DOCK4: variants seen among roughly 807,000 people sequenced by gnomAD.
DOCK4 encodes the protein dedicator of cytokinesis 4, also known as dedicator of cytokinesis protein 4.
DOCK4 carries 97 observed loss-of-function variants against 268.1 expected under a neutral mutation model. That is an observed-to-expected ratio of 0.36 (90% CI 0.31 to 0.43). The LOEUF (loss-of-function observed/expected upper bound fraction) is 0.43. Ranked by LOEUF, DOCK4 falls within the 20% of genes least tolerant of loss-of-function variation. The pLI is 1.00. For missense variants in DOCK4, 2,145 were observed against 2,455.7 expected, an observed-to-expected ratio of 0.87 and a Z score of 2.67; for synonymous variants, 954 against 887.2, an observed-to-expected ratio of 1.08 and a Z score of -1.34.
At chr7:112,122,630 A>T (rs570291692) in intron 1 of DOCK4, among the ~76,000 whole-genome samples, 1 of 151,850 alleles carries the variant, frequency 6.6e-6, no homozygotes, top group South Asian at 2.1e-4. Flanking sequence ...CTGAGTTTTA[A>T]CCCTCTAGTG....
chr7:111,997,653 A>G (rs1338330446), intron 4 of DOCK4, among the ~76,000 whole-genome samples: 1 of 152,208 alleles, frequency 6.6e-6, no homozygotes, highest in Non-Finnish European at 1.5e-5. Context: ...ATTTATCACT[A>G]TTTGAGAAAA....
intron 7 of DOCK4, among the ~76,000 whole-genome samples, chr7:111,981,661 G>A (rs910209095): frequency 2.0e-5 from 3 of 152,212 alleles, no homozygotes; most frequent in Non-Finnish European, 4.4e-5. Context: ...AGTGCAACCA[G>A]CACTGAGGAG....
intron 1 of DOCK4, among the ~76,000 whole-genome samples, chr7:112,053,239 C>T (rs775409433): frequency 1.3e-5 from 2 of 152,150 alleles, no homozygotes; most frequent in Non-Finnish European, 2.9e-5. Context: ...TTATATCCTA[C>T]TCCTCAGATC....
chr7:111,746,263 C>T, intron 44 of DOCK4, 71 bp downstream of exon 44: 1 of 1,257,566 alleles, frequency 8.0e-7, no homozygotes, highest in Non-Finnish European at 1.1e-6. Context: ...GGAAACCATG[C>T]AGAGGGGGCT....
intron 1 of DOCK4, among the ~76,000 whole-genome samples, chr7:112,179,806 T>C (rs1391829259): frequency 1.3e-5 from 2 of 152,140 alleles, no homozygotes; most frequent in African/African-American, 4.8e-5. Context: ...AAATCAGAAA[T>C]ACACAGTGAA....
At chr7:111,809,206 G>T in intron 29 of DOCK4, 95 bp downstream of exon 29, 1 of 1,030,584 alleles carries the variant, frequency 9.7e-7, no homozygotes, top group Non-Finnish European at 1.5e-6. Flanking sequence ...TTCACTGTGT[G>T]ATTTCCAGTT....
chr7:111,995,133 G>A (rs912755210), intron 4 of DOCK4, among the ~76,000 whole-genome samples: 3 of 151,604 alleles, frequency 2.0e-5, no homozygotes. Context: ...CCAGGTTCAT[G>A]CCATTCTCCT....
chr7:111,960,456 A>G (rs1456138811), intron 8 of DOCK4, among the ~76,000 whole-genome samples: 1 of 149,860 alleles, frequency 6.7e-6, no homozygotes, highest in East Asian at 2.0e-4. Context: ...TGAAATACGT[A>G]TACATTGTGG....
intron 8 of DOCK4, among the ~76,000 whole-genome samples, chr7:111,974,576 A>AGGAAAAGGGATGGGGAGGAGGGTG (rs1346229146): frequency 3.2e-5 from 4 of 123,522 alleles, no homozygotes; most frequent in Non-Finnish European, 6.8e-5. Context: ...AGGAGGAGGA[A>AGGAAAAGGGATGGGGAGGAGGGTG]GGAAAAGGGA....
intron 1 of DOCK4, among the ~76,000 whole-genome samples, chr7:112,060,095 C>G (rs1271034023): frequency 6.6e-6 from 1 of 152,152 alleles, no homozygotes; most frequent in Non-Finnish European, 1.5e-5. Flanking sequence ...CTTAGGGCTG[C>G]CAGCTCCTAG....
intron 36 of DOCK4, among the ~76,000 whole-genome samples, chr7:111,771,145 T>A (rs534651543): frequency 3.9e-5 from 6 of 152,370 alleles, no homozygotes; most frequent in Non-Finnish European, 8.8e-5. Flanking sequence ...ACAATAAATT[T>A]AGGCCTCCTA....
intron 1 of DOCK4, among the ~76,000 whole-genome samples, chr7:112,077,455 C>T (rs557341727): frequency 4.6e-5 from 7 of 152,066 alleles, no homozygotes; most frequent in East Asian, 3.9e-4. Flanking sequence ...TAGAAACTAA[C>T]GTCTTTTAAA....
intron 12 of DOCK4, among the ~76,000 whole-genome samples, chr7:111,929,226 G>T (rs1751222130): frequency 6.6e-6 from 1 of 151,820 alleles, no homozygotes; most frequent in South Asian, 2.1e-4. Context: ...TAATCCTTAA[G>T]GATCATATCA....
intron 25 of DOCK4, among the ~76,000 whole-genome samples, chr7:111,838,570 A>C (rs1803421881): frequency 6.6e-6 from 1 of 152,214 alleles, no homozygotes; most frequent in Admixed American, 6.5e-5. Flanking sequence ...CCCCCAAAAA[A>C]CTATGTAGTA....
At chr7:111,985,500 G>A (rs1024525694) in intron 6 of DOCK4, among the ~76,000 whole-genome samples, 2 of 151,954 alleles carry the variant, frequency 1.3e-5, no homozygotes, top group African/African-American at 4.8e-5. Context: ...ATTCTTCCAT[G>A]CCCTCCCCCA....
chr7:111,977,886 TA>T (rs1798326917), intron 7 of DOCK4, among the ~76,000 whole-genome samples: 2 of 152,256 alleles, frequency 1.3e-5, no homozygotes, highest in African/African-American at 4.8e-5. Flanking sequence ...GCAAGGTGTC[TA>T]AAGCTAAGAA....
In DOCK4 at chr7:111,742,029, G is replaced by C. The variant is rs759078455; in HGVS notation, c.4781C>G (p.Ser1594Trp). ...KLVDQFFVMK[S>W]SLGIQEFSAC... is the part of the protein sequence containing the mutation. ...TATACATACCTGTATCCCTAAGCTC[G>C]ACTTCATCACAAAGAATTGGTCAAC... The change falls in exon 45 of 53, where the codon TCG (serine) becomes TGG (tryptophan). Residue 1594 changes from serine (S) to tryptophan (W), a missense_variant. This residue lies in a region of DOCK4 where 1,598 missense variants were observed against 1,986.7 expected (regional missense o/e 0.80). Coordinates refer to ENST00000428084, the MANE Select transcript of DOCK4 (RefSeq NM_001363540.2). 2 of 1,602,700 alleles carry C rather than the reference G, an allele frequency of 1.2e-6. No homozygotes were observed. Among genetic ancestry groups the C allele is most frequent in the Non-Finnish European group, 1.7e-6 (2 of 1,175,296 alleles).
At chr7:111,919,046 T>C (rs1338321568) in intron 12 of DOCK4, among the ~76,000 whole-genome samples, 1 of 151,792 alleles carries the variant, frequency 6.6e-6, no homozygotes, top group Non-Finnish European at 1.5e-5. Flanking sequence ...AGAGAAAAAC[T>C]GATCAAGATT....
At chr7:111,946,277 G>C (rs1355042167) in intron 8 of DOCK4, among the ~76,000 whole-genome samples, 3 of 152,156 alleles carry the variant, frequency 2.0e-5, no homozygotes, top group African/African-American at 7.2e-5. Flanking sequence ...AACACAAGTA[G>C]AGATTTCAAA....
Sources: allele counts gnomAD v4.1 joint callset (sites outside exome capture counted in the v4.1 genomes callset), GRCh38; gene constraint gnomAD v4.1.1; regional missense constraint gnomAD v4.1.1; transcripts MANE v1.5; gene names NCBI Gene and HGNC (gene_info 2026-07-23, HGNC 2026-07-21).